The following RBBP9 variants were observed in gnomAD, a reference collection of about 807,000 sequenced individuals.
The protein encoded by RBBP9 is RB binding protein 9, serine hydrolase.
A neutral mutation model predicts 24.2 loss-of-function variants in RBBP9; 20 were observed. The ratio of observed to expected loss-of-function variants is 0.83; its 90% CI spans 0.58 to 1.20. The LOEUF is 1.20. RBBP9 is among the 50% of genes most tolerant of loss of function. The pLI is 0.00. For missense variants in RBBP9, 234 were observed against 233.6 expected (o/e 1.00, Z -0.01); for synonymous variants, 74 against 84.6 (o/e 0.87, Z 0.69).
In RBBP9 at chr20:18,486,867, G is replaced by A. The variant is rs2059846242; in HGVS notation, c.*2897C>T. ...ACAGAAATCAGAAATGACAGTCCATGGCTCTATGGTTTTTAATGAATAGTT... is the reference window on the plus strand; with the variant it reads ...ACAGAAATCAGAAATGACAGTCCATAGCTCTATGGTTTTTAATGAATAGTT... On this transcript the variant is annotated 3_prime_UTR_variant, in exon 5 of 5. Transcript: ENST00000337227. 6.6e-6 allele frequency: 1 copy of A among 152,118 alleles called. No homozygotes were observed. Among genetic ancestry groups the A allele is most frequent in the Non-Finnish European group, 1.5e-5 (1 of 68,022 alleles). The allele number at this position is 152,118 out of a possible 1,614,324, so 9.4% of individuals were successfully genotyped here.
chr20:18,493,589 G>C (rs1431605143), intron 3 of RBBP9, among the ~76,000 whole-genome samples: 2 of 152,178 alleles, frequency 1.3e-5, no homozygotes, highest in African/African-American at 2.4e-5. Flanking sequence ...ATCCCAGGTA[G>C]AAGGATGAGA....
rs1184190784 is a variant in RBBP9 at position 18,488,124 on chromosome 20, T to C, written c.*1640A>G. The C allele has an allele frequency of 6.6e-6, 1 of 152,130 alleles. No homozygotes were observed. The highest frequency in any genetic ancestry group is 1.5e-5 in the Non-Finnish European group (1 of 68,016). The allele number at this position is 152,130 out of a possible 1,614,324, so 9.4% of individuals were successfully genotyped here. A position where few individuals can be genotyped will look rare whatever the true frequency, so the allele number is the denominator to read the frequency against. On this transcript the variant is annotated 3_prime_UTR_variant, in exon 5 of 5. Transcript: ENST00000337227. Reference sequence around the variant, plus strand: ...CTCTGAATCTCCTTTAGGTATGAAGTGTAGGAAATTGTATTTCTGCAGCAA... The same window carrying C: ...CTCTGAATCTCCTTTAGGTATGAAGCGTAGGAAATTGTATTTCTGCAGCAA...
rs960803844 is a variant in RBBP9, at chr20:18,486,968, C to G, written c.*2796G>C. 1 of 152,270 alleles carries G rather than the reference C, an allele frequency of 6.6e-6. No individual in the cohort carries two copies. Among genetic ancestry groups the G allele is most frequent in the South Asian group, 2.1e-4 (1 of 4,820 alleles). The allele number at this position is 152,270 out of a possible 1,614,324, so 9.4% of individuals were successfully genotyped here. On this transcript the variant is annotated 3_prime_UTR_variant, in exon 5 of 5. Transcript: ENST00000337227. ...GACCTATGATGTTGGTGGTGATCAG[C>G]TAAGCAAACTAGCCAAACAGAAGTA...
rs541795637 is a variant in RBBP9 at position 18,490,998 on chromosome 20, A to C, written c.249-518T>G. Among the ~76,000 whole-genome samples, 5 of 152,288 alleles carry C rather than the reference A, an allele frequency of 3.3e-5. No individual in the cohort carries two copies. The East Asian group carries it at 9.6e-4, about 29-fold the overall frequency. On this transcript the variant is annotated intron_variant, in intron 3 of 4. Transcript: ENST00000337227. ...CCAGCCACTACCCATTTTTCAAGGT[A>C]GTTGAAACTTGTACAAACCTTTCCC... is the stretch of plus-strand genomic sequence containing the variant.
At chr20:18,492,686 A>G (rs2059870503) in intron 3 of RBBP9, among the ~76,000 whole-genome samples, 2 of 152,206 alleles carry the variant, frequency 1.3e-5, no homozygotes, top group African/African-American at 4.8e-5. Context: ...GATTTTGTCA[A>G]TAGGAAATTC....
At chr20:18,491,796 T>G (rs1003829870) in intron 3 of RBBP9, among the ~76,000 whole-genome samples, 1 of 151,904 alleles carries the variant, frequency 6.6e-6, no homozygotes, top group Non-Finnish European at 1.5e-5. Flanking sequence ...TACAGAAACG[T>G]TGAAAGAACA....
rs1285083456 is a variant in RBBP9 at position 18,488,672 on chromosome 20, C to T, written c.*1092G>A. 4 of 152,200 alleles carry T rather than the reference C, an allele frequency of 2.6e-5. No homozygotes were observed. Among genetic ancestry groups the T allele is most frequent in the African/African-American group, 2.4e-5 (1 of 41,434 alleles). 9.4% of individuals were successfully genotyped at this position (152,200 alleles called of 1,614,324 possible). ...AGGTTTAACTCTATAGAACAGAACACGAAGTATGGAAAGGTTCTTTTTAAA... is the reference window on the plus strand; with the variant it reads ...AGGTTTAACTCTATAGAACAGAACATGAAGTATGGAAAGGTTCTTTTTAAA... On this transcript the variant is annotated 3_prime_UTR_variant, in exon 5 of 5. Coordinates refer to ENST00000337227, the MANE Select transcript of RBBP9 (RefSeq NM_006606.3).
In RBBP9 at chr20:18,495,157, T is replaced by A. The variant is rs967290926; in HGVS notation, c.142+681A>T. ...TTGTGGAATAGAAAGGGGGGAAAGGTGGGGAAAAGATTGAGAAATCGGATG... is the reference window on the plus strand; with the variant it reads ...TTGTGGAATAGAAAGGGGGGAAAGGAGGGGAAAAGATTGAGAAATCGGATG... On this transcript the variant is annotated intron_variant, in intron 2 of 4. Coordinates refer to ENST00000337227, the MANE Select transcript of RBBP9 (RefSeq NM_006606.3). Among the ~76,000 whole-genome samples the A allele has an allele frequency of 6.5e-3, 975 of 149,216 alleles. 10 individuals are homozygous for A. The highest frequency in any genetic ancestry group is 0.023 in the African/African-American group (922 of 40,326).
Position 18,490,513 on chromosome 20 carries a change from T to C in RBBP9, c.249-33A>G, listed in dbSNP as rs4814753. Reference sequence around the variant, plus strand: ...AACAAAAATGATGTCAGCTAATATATAATGTTACCTCTGATCACCAAAAAG... The same window carrying C: ...AACAAAAATGATGTCAGCTAATATACAATGTTACCTCTGATCACCAAAAAG... On this transcript the variant is annotated intron_variant, in intron 3 of 4. Coordinates refer to ENST00000337227, the MANE Select transcript of RBBP9 (RefSeq NM_006606.3). 2.6e-3 allele frequency: 3,858 copies of C among 1,495,288 alleles called. 82 individuals carry two copies. In the Admixed American group the frequency reaches 0.035, roughly 14 times the overall value. The allele number at this position is 1,495,288 out of a possible 1,614,324, so 92.6% of individuals were successfully genotyped here.
intron 3 of RBBP9, among the ~76,000 whole-genome samples, chr20:18,493,227 C>T (rs1043984105): frequency 6.6e-6 from 1 of 152,110 alleles, no homozygotes; most frequent in South Asian, 2.1e-4. Flanking sequence ...CTAATGAGAG[C>T]AGTAGGGATG....
intron 2 of RBBP9, 139 bp from the exon 3 acceptor site, chr20:18,494,202 GTA>G (rs2059875597): frequency 1.7e-6 from 1 of 592,080 alleles, no homozygotes; most frequent in South Asian, 2.0e-5. Flanking sequence ...AGACCAGACT[GTA>G]TTAACAAAAC....
rs1328132293 is a variant in RBBP9, at chr20:18,487,521, C to T, written c.*2243G>A. On this transcript the variant is annotated 3_prime_UTR_variant, in exon 5 of 5. Coordinates refer to ENST00000337227, the MANE Select transcript of RBBP9 (RefSeq NM_006606.3). ...ATTTGGTCAAATTAGTGCTAAACAG[C>T]CTCTTTAACAACATTATTATTCAAC... is the stretch of plus-strand genomic sequence containing the variant. 6.6e-6 allele frequency: 1 copy of T among 152,146 alleles called. No homozygotes were observed. The highest frequency in any genetic ancestry group is 1.5e-5 in the Non-Finnish European group (1 of 68,032). 9.4% of individuals were successfully genotyped at this position (152,146 alleles called of 1,614,324 possible).
At chr20:18,490,092 G>T in intron 4 of RBBP9, 102 bp from the exon 5 acceptor site, 1 of 788,412 alleles carries the variant, frequency 1.3e-6, no homozygotes. Context: ...CAAAGGAGCA[G>T]AGCCTCCGTG....
intron 4 of RBBP9, 67 bp from the exon 5 acceptor site, chr20:18,490,057 C>T (rs2059859556): frequency 2.6e-6 from 3 of 1,170,736 alleles, no homozygotes; most frequent in East Asian, 2.5e-5. Flanking sequence ...TTCTAAAATA[C>T]CTACTGGCGA....
intron 3 of RBBP9, among the ~76,000 whole-genome samples, chr20:18,490,956 G>A (rs979643799): frequency 1.3e-5 from 2 of 152,190 alleles, no homozygotes; most frequent in Admixed American, 1.3e-4. Flanking sequence ...TGGGATTACA[G>A]GCGTGAGCCA....
chr20:18,494,107 C>T (rs1473734718), intron 2 of RBBP9, 44 bp from the exon 3 acceptor site: 1 of 1,493,688 alleles, frequency 6.7e-7, no homozygotes, highest in Non-Finnish European at 9.3e-7. Context: ...TTGATAGTGG[C>T]AGTCTGAATC....
chr20:18,492,371 AT>A (rs1286958387), intron 3 of RBBP9, among the ~76,000 whole-genome samples: 3 of 152,072 alleles, frequency 2.0e-5, no homozygotes, highest in Non-Finnish European at 2.9e-5. Context: ...TCACTTTAAA[AT>A]TTTTTTGTTT....
chr20:18,492,261 C>T (rs750736285), intron 3 of RBBP9, among the ~76,000 whole-genome samples: 1 of 152,128 alleles, frequency 6.6e-6, no homozygotes, highest in Non-Finnish European at 1.5e-5. Context: ...TATCTGTATT[C>T]ATTTTTCCCC....
At position 18,488,101 on chromosome 20, in the gene RBBP9, C is replaced by G. The variant is rs188096734; in HGVS notation, c.*1663G>C. The G allele has an allele frequency of 2.0e-5, 3 of 152,254 alleles. No homozygotes were observed. The highest frequency in any genetic ancestry group is 6.5e-5 in the Admixed American group (1 of 15,286). 9.4% of individuals were successfully genotyped at this position (152,254 alleles called of 1,614,324 possible). ...AGACTTTTGGTTTTGAGCGATAGCTCTGAATCTCCTTTAGGTATGAAGTGT... is the reference window on the plus strand; with the variant it reads ...AGACTTTTGGTTTTGAGCGATAGCTGTGAATCTCCTTTAGGTATGAAGTGT... On this transcript the variant is annotated 3_prime_UTR_variant, in exon 5 of 5. Transcript: ENST00000337227.
Sources: gnomAD v4.1 joint callset for allele counts (sites outside exome capture counted in the v4.1 genomes callset) on GRCh38, gnomAD v4.1.1 for gene constraint, MANE v1.5 for transcripts, NCBI Gene and HGNC (gene_info 2026-07-23, HGNC 2026-07-21) for gene names.